Variants in HELB observed in about 807,000 individuals in gnomAD.
The protein encoded by HELB is DNA 5'-3' helicase B.
Under a neutral mutation model 101.7 loss-of-function variants are expected in HELB, and 96 were observed. That is an observed-to-expected ratio of 0.94 (90% CI 0.80 to 1.12). The LOEUF (loss-of-function observed/expected upper bound fraction) is 1.12. HELB is among the 50% of genes most tolerant of loss of function. The probability of loss-of-function intolerance (pLI) is 0.00; values close to 1 mark genes in which losing one functional copy is unlikely to be tolerated. For synonymous variants in HELB, 437 were observed against 459.7 expected (o/e 0.95, Z 0.63); for missense variants, 1,210 against 1,291.9 (o/e 0.94, Z 0.97).
rs17102393 is a variant in HELB at position 66,318,097 on chromosome 12, A to G, written c.2001-541A>G. Among the ~76,000 whole-genome samples the G allele has an allele frequency of 7.2e-3, 1,101 of 152,338 alleles. 18 individuals carry two copies. Among genetic ancestry groups the G allele is most frequent in the African/African-American group, 0.025 (1,046 of 41,574 alleles). Reference sequence around the variant, plus strand: ...AAGTGGGATTATATGTAGAATATACAGAGAAGAAAGGAGAAGAATATAATG... The same window carrying G: ...AAGTGGGATTATATGTAGAATATACGGAGAAGAAAGGAGAAGAATATAATG... On this transcript the variant is annotated intron_variant, in intron 6 of 12. Transcript: ENST00000247815.
chr12:66,317,271 T>C (rs557672235), intron 6 of HELB, among the ~76,000 whole-genome samples: 31 of 152,308 alleles, frequency 2.0e-4, no homozygotes, highest in African/African-American at 7.0e-4. Context: ...TTTAAAGCCA[T>C]ACTTGGCCTC....
chr12:66,313,630 C>T (rs999649207), intron 4 of HELB, among the ~76,000 whole-genome samples: 2 of 152,030 alleles, frequency 1.3e-5, no homozygotes, highest in Admixed American at 6.6e-5. Flanking sequence ...GTTGAGAAAG[C>T]GCTGCTTTTA....
rs530573151 is a variant in HELB, at chr12:66,322,838, G to A, written c.2297+55G>A. 1.3e-5 allele frequency: 12 copies of A among 942,088 alleles called. No individual in the cohort carries two copies. The South Asian group carries it at 1.7e-4, about 14-fold the overall frequency. 58.4% of individuals were successfully genotyped at this position (942,088 alleles called of 1,614,324 possible). A position where few individuals can be genotyped will look rare whatever the true frequency, so the allele number is the denominator to read the frequency against. ...AGGACAGTCCTTCTTCGATTTGCTG[G>A]TTTTTTTTTTTGCTTTGATGTTTGT... On this transcript the variant is annotated intron_variant, in intron 9 of 12. Coordinates refer to ENST00000247815, the MANE Select transcript of HELB (RefSeq NM_001370285.1).
chr12:66,323,872 A>G (rs1263958824), intron 9 of HELB, 111 bp from the exon 10 acceptor site: 2 of 713,878 alleles, frequency 2.8e-6, no homozygotes, highest in East Asian at 2.5e-5. Flanking sequence ...TGTAAATAAA[A>G]TGTGGAAATT....
chr12:66,340,397 T>A (rs943826556), downstream of HELB: 2 of 152,352 alleles, frequency 1.3e-5, no homozygotes, highest in South Asian at 2.1e-4. Flanking sequence ...CGTGTGACTA[T>A]TGGCCATTTG....
intron 10 of HELB, among the ~76,000 whole-genome samples, chr12:66,324,675 T>G (rs2053714775): frequency 6.6e-6 from 1 of 152,212 alleles, no homozygotes; most frequent in African/African-American, 2.4e-5. Flanking sequence ...AAGAATCTAC[T>G]CAGACTTATG....
At chr12:66,316,567 A>T (rs1368160434) in intron 6 of HELB, among the ~76,000 whole-genome samples, 5 of 145,056 alleles carry the variant, frequency 3.4e-5, no homozygotes, top group African/African-American at 1.3e-4. Flanking sequence ...TGATAAGCTA[A>T]AATAATAATA....
intron 7 of HELB, 197 bp from the exon 8 acceptor site, chr12:66,321,751 A>G: frequency 2.1e-6 from 1 of 475,076 alleles, no homozygotes; most frequent in African/African-American, 2.0e-5. Context: ...TTGTCTTGGA[A>G]CCCTTCTTTC....
intron 12 of HELB, among the ~76,000 whole-genome samples, chr12:66,335,996 G>A (rs2053862654): frequency 6.6e-6 from 1 of 152,148 alleles, no homozygotes; most frequent in South Asian, 2.1e-4. Flanking sequence ...GTTTGACTCT[G>A]TAAATAAAGC....
intron 3 of HELB, among the ~76,000 whole-genome samples, chr12:66,309,400 G>A (rs763577940): frequency 1.4e-4 from 21 of 152,218 alleles, no homozygotes; most frequent in African/African-American, 2.4e-4. Context: ...CTAAAGTGTT[G>A]GAGATGTTGC....
chr12:66,321,206 G>A (rs2053666683), intron 7 of HELB, among the ~76,000 whole-genome samples: 1 of 152,138 alleles, frequency 6.6e-6, no homozygotes, highest in Non-Finnish European at 1.5e-5. Flanking sequence ...ACTTCCATGA[G>A]CCTTAGTTTT....
At position 66,302,927 on chromosome 12, in the gene HELB, A is replaced by C. The variant is rs1359885290; in HGVS notation, c.187+137A>C. 8.0e-6 allele frequency: 5 copies of C among 628,668 alleles called. No individual in the cohort carries two copies. In the East Asian group the frequency reaches 1.1e-4, roughly 14 times the overall value. The allele number at this position is 628,668 out of a possible 1,614,324, so 38.9% of individuals were successfully genotyped here. Reference sequence around the variant, plus strand: ...AGTGGTCTAGCTGCTTCATCCTACCAAGGGTAAAATTATGACTATAATAAT... The same window carrying C: ...AGTGGTCTAGCTGCTTCATCCTACCCAGGGTAAAATTATGACTATAATAAT... On this transcript the variant is annotated intron_variant, in intron 1 of 12. Coordinates refer to ENST00000247815, the MANE Select transcript of HELB (RefSeq NM_001370285.1).
At chr12:66,336,874 AT>A (rs2053871524) in intron 12 of HELB, among the ~76,000 whole-genome samples, 1 of 152,198 alleles carries the variant, frequency 6.6e-6, no homozygotes. Context: ...GTGAATTGAA[AT>A]TTATGATGGT....
chr12:66,330,189 T>C (rs1449920748), intron 11 of HELB, among the ~76,000 whole-genome samples: 1 of 152,208 alleles, frequency 6.6e-6, no homozygotes, highest in Non-Finnish European at 1.5e-5. Context: ...ACTCAGAATA[T>C]AGGACTAAGA....
In HELB at chr12:66,336,147, G is replaced by A. The variant is rs1034901785; in HGVS notation, c.3163-1854G>A. Among the ~76,000 whole-genome samples, 12 of 152,154 alleles carry A rather than the reference G, an allele frequency of 7.9e-5. 1 individual carries two copies. The highest frequency in any genetic ancestry group is 7.9e-4 in the Admixed American group (12 of 15,260). On this transcript the variant is annotated intron_variant, in intron 12 of 12. Coordinates refer to ENST00000247815, the MANE Select transcript of HELB (RefSeq NM_001370285.1). Reference sequence around the variant, plus strand: ...GATGAAACTTTTTTTTAAAAAATCAGACATTCAGAATATTGTTCTTTCAGG... The same window carrying A: ...GATGAAACTTTTTTTTAAAAAATCAAACATTCAGAATATTGTTCTTTCAGG...
chr12:66,342,219 A>G (rs2053922841), downstream of HELB: 1 of 152,226 alleles, frequency 6.6e-6, no homozygotes, highest in Non-Finnish European at 1.5e-5. Context: ...ATTCCTTTGC[A>G]TGTGACAATT....
At chr12:66,330,563 CTA>C (rs1179443357) in intron 11 of HELB, among the ~76,000 whole-genome samples, 12 of 146,818 alleles carry the variant, frequency 8.2e-5, no homozygotes, top group Admixed American at 3.4e-4. Flanking sequence ...ATCTATCTGT[CTA>C]TATATATATA....
At position 66,302,500 on chromosome 12, in the gene HELB, TC is replaced by T. The variant is rs2053414390; in HGVS notation, c.-101del. 4.6e-6 allele frequency: 5 copies of T among 1,076,338 alleles called. No individual in the cohort carries two copies. 66.7% of individuals were successfully genotyped at this position (1,076,338 alleles called of 1,614,324 possible). A position where few individuals can be genotyped will look rare whatever the true frequency, so the allele number is the denominator to read the frequency against. On this transcript the variant is annotated 5_prime_UTR_variant, in exon 1 of 13. Coordinates refer to ENST00000247815, the MANE Select transcript of HELB (RefSeq NM_001370285.1). ...TGTACGCTGGCGGCCGCCAGGCCGT[TC>T]CCGGAAGTTGATGGCCTTACAGTCG...
At chr12:66,322,857 T>C in intron 9 of HELB, 74 bp downstream of exon 9, 1 of 963,782 alleles carries the variant, frequency 1.0e-6, no homozygotes, top group African/African-American at 1.7e-5. Flanking sequence ...TTTGCTTTGA[T>C]GTTTGTCACC....
Sources: allele counts gnomAD v4.1 joint callset (sites outside exome capture counted in the v4.1 genomes callset), GRCh38; gene constraint gnomAD v4.1.1; transcripts MANE v1.5; gene names NCBI Gene and HGNC (gene_info 2026-07-23, HGNC 2026-07-21).